STX3: variants seen among roughly 807,000 people sequenced by gnomAD.
The protein encoded by STX3 is syntaxin 3.
In STX3, 19 loss-of-function variants were observed where a neutral mutation model predicts 40.2. That is an observed-to-expected ratio of 0.47 (90% CI 0.33 to 0.69). STX3 has a LOEUF of 0.69. Among genes scored for constraint, STX3 ranks in the 30% least tolerant of loss-of-function variants. The pLI is 0.02. For missense variants in STX3, 364 were observed against 366.7 expected (o/e 0.99, Z 0.06); for synonymous variants, 122 against 132.2 (o/e 0.92, Z 0.53).
At chr11:59,771,771 C>A (rs932012165) in intron 1 of STX3, among the ~76,000 whole-genome samples, 1 of 152,120 alleles carries the variant, frequency 6.6e-6, no homozygotes, top group South Asian at 2.1e-4. Flanking sequence ...AAGGGCCCCA[C>A]GTGCTCTGTT....
chr11:59,778,334 G>T (rs1292996244), intron 2 of STX3, among the ~76,000 whole-genome samples: 9 of 152,148 alleles, frequency 5.9e-5, no homozygotes, highest in Admixed American at 1.3e-4. Context: ...GAGGAAAACT[G>T]CCCAGATCCT....
intron 1 of STX3, among the ~76,000 whole-genome samples, chr11:59,765,637 C>G (rs535919827): frequency 1.3e-4 from 20 of 152,222 alleles, no homozygotes; most frequent in African/African-American, 4.1e-4. Context: ...AACCCTGTCT[C>G]TACTAAAAAT....
chr11:59,754,843 G>C (rs534531975), upstream of STX3: 39 of 152,212 alleles, frequency 2.6e-4, no homozygotes, highest in East Asian at 2.9e-3. Flanking sequence ...ACAAGCAAAA[G>C]ATCCAAATTC....
At chr11:59,779,108 G>A (rs781760288) in intron 2 of STX3, among the ~76,000 whole-genome samples, 2 of 152,166 alleles carry the variant, frequency 1.3e-5, no homozygotes, top group Non-Finnish European at 2.9e-5. Context: ...AAAGTGTTGG[G>A]ATTATAGGTG....
chr11:59,800,549 G>T (rs940069991), intron 10 of STX3: 9 of 985,288 alleles, frequency 9.1e-6, no homozygotes, highest in Non-Finnish European at 1.1e-5. Context: ...GTTGCTGTGG[G>T]ACCTGCAGAG....
rs1173604908 is a variant in STX3, at chr11:59,805,830, A to G, written c.*5006A>G. 1 of 153,204 alleles carries G rather than the reference A, an allele frequency of 6.5e-6. No individual in the cohort carries two copies. Among genetic ancestry groups the G allele is most frequent in the Non-Finnish European group, 1.5e-5 (1 of 68,742 alleles). The allele number at this position is 153,204 out of a possible 1,614,324, so 9.5% of individuals were successfully genotyped here. A position where few individuals can be genotyped will look rare whatever the true frequency, so the allele number is the denominator to read the frequency against. On this transcript the variant is annotated 3_prime_UTR_variant, in exon 11 of 11. Coordinates refer to ENST00000337979, the MANE Select transcript of STX3 (RefSeq NM_004177.5). The stretch of plus-strand genomic sequence containing the variant: ...TATTGTCCAACATACCCCTTCCAAG[A>G]TTGTGAGAAGATGGGTAGCTGGGCA...
At position 59,792,130 on chromosome 11, in the gene STX3, T is replaced by C. The variant is rs746323598; in HGVS notation, c.381T>C (p.Phe127=). The C allele has an allele frequency of 1.9e-6, 3 of 1,613,912 alleles. No homozygotes were observed. The East Asian group carries it at 6.7e-5, about 36-fold the overall frequency. The stretch of plus-strand genomic sequence containing the variant: ...AGCACTCTGTCCTTTCTCGGAAGTT[T>C]GTGGAGGTGATGACCAAATACAATG... The part of the protein sequence containing the change: ...KSQHSVLSRK[F]VEVMTKYNEA... The change falls in exon 6 of 11, where the codon TTT becomes TTC. Residue 127 remains phenylalanine (F), a synonymous_variant. Coordinates refer to ENST00000337979, the MANE Select transcript of STX3 (RefSeq NM_004177.5).
At position 59,755,469 on chromosome 11, in the gene STX3, C is replaced by T. The variant is rs1180819252; in HGVS notation, c.-137C>T. 1.8e-6 allele frequency: 2 copies of T among 1,124,546 alleles called. No individual in the cohort carries two copies. The highest frequency in any genetic ancestry group is 2.0e-5 in the South Asian group (1 of 50,910). 69.7% of individuals were successfully genotyped at this position (1,124,546 alleles called of 1,614,324 possible). A position where few individuals can be genotyped will look rare whatever the true frequency, so the allele number is the denominator to read the frequency against. ...CGCTCCTCCTAGCTAGCGGCCGCCG[C>T]CCGCCGCCGCCTGCGCCTCCAGCTC... On this transcript the variant is annotated 5_prime_UTR_variant, in exon 1 of 11. Transcript: ENST00000337979.
intron 10 of STX3, chr11:59,800,118 T>A: frequency 1.0e-6 from 1 of 985,468 alleles, no homozygotes; most frequent in Non-Finnish European, 1.2e-6. Context: ...AACCCTATCT[T>A]TAACCTGCTA....
Position 59,787,102 on chromosome 11 carries a change from C to T in STX3, c.180C>T (p.Tyr60=), listed in dbSNP as rs779956637. The T allele has an allele frequency of 1.2e-5, 19 of 1,614,092 alleles. No individual in the cohort carries two copies. Among genetic ancestry groups the T allele is most frequent in the Middle Eastern group, 3.3e-4 (2 of 6,084 alleles). The stretch of plus-strand genomic sequence containing the variant: ...ATGTAGAGGAGGCTAAGAAACTCTA[C>T]AGTATCATTCTCTCTGCACCGATTC... ...SEHVEEAKKL[Y]SIILSAPIPE... is the part of the protein sequence containing the mutation. Residue 60 remains tyrosine (Y), a synonymous_variant, in exon 3 of 11, where the codon TAC becomes TAT. Coordinates refer to ENST00000337979, the MANE Select transcript of STX3 (RefSeq NM_004177.5).
chr11:59,781,361 A>G lies in STX3; in HGVS notation c.115-5676A>G, dbSNP rs970979814. 7.2e-5 allele frequency: 115 copies of G among 1,594,286 alleles called. 1 individual carries two copies. The Admixed American group carries it at 1.9e-3, about 26-fold the overall frequency. ...GAGTACAGGTGACATTGTTCATGACACACTCCACCACTAATTTCCCATCTT... is the reference window on the plus strand; with the variant it reads ...GAGTACAGGTGACATTGTTCATGACGCACTCCACCACTAATTTCCCATCTT... On this transcript the variant is annotated intron_variant, in intron 2 of 10. Coordinates refer to ENST00000337979, the MANE Select transcript of STX3 (RefSeq NM_004177.5).
intron 1 of STX3, 141 bp downstream of exon 1, chr11:59,755,776 G>A: frequency 8.6e-7 from 1 of 1,162,630 alleles, no homozygotes; most frequent in Non-Finnish European, 1.1e-6. Flanking sequence ...TCCCGCGCCG[G>A]TTCCGCACCC....
chr11:59,782,308 A>G (rs1305206887), intron 2 of STX3, among the ~76,000 whole-genome samples: 4 of 152,206 alleles, frequency 2.6e-5, no homozygotes, highest in African/African-American at 9.6e-5. Flanking sequence ...AGACTGTTTT[A>G]TTAAGACTTT....
intron 10 of STX3, 43 bp from the exon 11 acceptor site, chr11:59,800,812 T>TCTTC: frequency 6.5e-7 from 1 of 1,536,084 alleles, no homozygotes; most frequent in Non-Finnish European, 8.7e-7. Flanking sequence ...CCCTTTGCCT[T>TCTTC]CTTCCTGTGT....
rs774452398 is a variant in STX3 at position 59,773,239 on chromosome 11, A to T, written c.59A>T (p.Asp20Val). The T allele has an allele frequency of 5.0e-6, 8 of 1,614,046 alleles. No homozygotes were observed. In the African/African-American group the frequency reaches 9.3e-5, roughly 19 times the overall value. Residue 20 changes from aspartate to valine, a missense_variant, in exon 2 of 11, where the codon GAT (aspartate) becomes GTT (valine). Asp to Val is a radical substitution (Grantham distance 152). Coordinates refer to ENST00000337979, the MANE Select transcript of STX3 (RefSeq NM_004177.5). ...AKQLTQDDDT[D>V]AVEIAIDNTA... The stretch of plus-strand genomic sequence containing the variant: ...CAGCTGACACAGGATGATGATACTG[A>T]TGCGGTTGAGATTGCTATCGACAAC...
Position 59,757,891 on chromosome 11 carries a change from C to T in STX3, c.30+2256C>T, listed in dbSNP as rs1188739834. Among the ~76,000 whole-genome samples the T allele has an allele frequency of 2.0e-5, 3 of 152,220 alleles. No individual in the cohort carries two copies. In the East Asian group the frequency reaches 5.8e-4, roughly 29 times the overall value. On this transcript the variant is annotated intron_variant, in intron 1 of 10. Transcript: ENST00000337979. The stretch of plus-strand genomic sequence containing the variant: ...GTGTCAGTTCACCTCCTCTTATCCC[C>T]TCTCCCCAGCCAGACTCCCAGGGAT...
At chr11:59,774,146 A>G (rs562837054) in intron 2 of STX3, among the ~76,000 whole-genome samples, 5 of 152,132 alleles carry the variant, frequency 3.3e-5, no homozygotes, top group Non-Finnish European at 4.4e-5. Flanking sequence ...GGATGGTACT[A>G]TGATAGGTAG....
intron 1 of STX3, among the ~76,000 whole-genome samples, chr11:59,756,419 C>G (rs1429871580): frequency 6.6e-6 from 1 of 152,136 alleles, no homozygotes; most frequent in Admixed American, 6.5e-5. Context: ...TTGACTCATT[C>G]AGTACATAAT....
chr11:59,802,398 C>T lies in STX3; in HGVS notation c.*1574C>T. 1 of 985,706 alleles carries T rather than the reference C, an allele frequency of 1.0e-6. No homozygotes were observed. The highest frequency in any genetic ancestry group is 1.7e-5 in the African/African-American group (1 of 57,338). The allele number at this position is 985,706 out of a possible 1,614,324, so 61.1% of individuals were successfully genotyped here. A position where few individuals can be genotyped will look rare whatever the true frequency, so the allele number is the denominator to read the frequency against. On this transcript the variant is annotated 3_prime_UTR_variant, in exon 11 of 11. Transcript: ENST00000337979. ...ACGCTTTCTAGGATAGGGTAAGCACCCTTAATTCAGGCACTGTCCATTAGC... is the reference window on the plus strand; with the variant it reads ...ACGCTTTCTAGGATAGGGTAAGCACTCTTAATTCAGGCACTGTCCATTAGC...
Sources: gnomAD v4.1 joint callset for allele counts (sites outside exome capture counted in the v4.1 genomes callset) on GRCh38, gnomAD v4.1.1 for gene constraint, MANE v1.5 for transcripts, NCBI Gene and HGNC (gene_info 2026-07-23, HGNC 2026-07-21) for gene names.